Variants in COL28A1 observed in about 807,000 individuals in gnomAD.
COL28A1 encodes the protein collagen type XXVIII alpha 1 chain.
COL28A1 carries 161 observed loss-of-function variants against 150.2 expected under a neutral mutation model. The ratio of observed to expected loss-of-function variants is 1.07; its 90% confidence interval spans 0.94 to 1.22. The LOEUF is 1.22. Among genes scored for constraint, COL28A1 ranks in the 50% most tolerant of loss-of-function variants. COL28A1 has a pLI of 0.00. For missense variants in COL28A1, 1,617 were observed against 1,388.3 expected (o/e 1.16, Z -2.62); for synonymous variants, 552 against 469.7 (o/e 1.18, Z -2.26).
intron 21 of COL28A1, among the ~76,000 whole-genome samples, chr7:7,437,669 A>G (rs1583370190): frequency 6.6e-6 from 1 of 152,196 alleles, no homozygotes; most frequent in East Asian, 1.9e-4. Flanking sequence ...TTAAATAACT[A>G]TGTTCAATTA....
At chr7:7,386,265 T>C (rs1227835541) in intron 27 of COL28A1, among the ~76,000 whole-genome samples, 3 of 152,216 alleles carry the variant, frequency 2.0e-5, no homozygotes, top group Non-Finnish European at 4.4e-5. Flanking sequence ...TCTTTCGAAA[T>C]GTTTTCTCAG....
At chr7:7,382,826 T>A (rs1012442823) in intron 27 of COL28A1, among the ~76,000 whole-genome samples, 1 of 152,032 alleles carries the variant, frequency 6.6e-6, no homozygotes, top group African/African-American at 2.4e-5. Context: ...AGGCAAAATA[T>A]GCATTTTGCC....
At position 7,358,805 on chromosome 7, in the gene COL28A1, T is replaced by A. The variant is rs776816416; in HGVS notation, c.3206A>T (p.Asp1069Val). 11 of 1,606,666 alleles carry A rather than the reference T, an allele frequency of 6.8e-6. No homozygotes were observed. Among genetic ancestry groups the A allele is most frequent in the African/African-American group, 4.0e-5 (3 of 74,448 alleles). Residue 1069 changes from aspartate to valine, a missense_variant and splice_region_variant, in exon 35 of 35, where the codon GAT becomes GTT. Physicochemically the swap from Asp to Val is radical, Grantham distance 152. Coordinates refer to ENST00000399429, the MANE Select transcript of COL28A1 (RefSeq NM_001037763.3). ...CTTCAAGGCTTCCAAACATCTAGGATCTAGAGTGAGAAAAGGAAAATGTGT... is the reference window on the plus strand; with the variant it reads ...CTTCAAGGCTTCCAAACATCTAGGAACTAGAGTGAGAAAAGGAAAATGTGT... ...LLSTPVDGAE[D>V]PRCLEALKPG... is the part of the protein sequence containing the mutation.
At chr7:7,389,923 C>T (rs907320295) in intron 27 of COL28A1, among the ~76,000 whole-genome samples, 1 of 152,168 alleles carries the variant, frequency 6.6e-6, no homozygotes, top group African/African-American at 2.4e-5. Context: ...TCTAAATATA[C>T]AACCACGTCA....
At chr7:7,427,399 C>G (rs927630435) in intron 25 of COL28A1, among the ~76,000 whole-genome samples, 5 of 152,180 alleles carry the variant, frequency 3.3e-5, no homozygotes, top group African/African-American at 1.2e-4. Context: ...GAATTACATG[C>G]CCTTAACTTC....
chr7:7,475,128 A>T (rs1039840672), intron 14 of COL28A1, among the ~76,000 whole-genome samples: 4 of 152,138 alleles, frequency 2.6e-5, no homozygotes, highest in Non-Finnish European at 5.9e-5. Context: ...GTTTATAAAC[A>T]TTCATTGAAA....
intron 27 of COL28A1, among the ~76,000 whole-genome samples, chr7:7,395,571 G>T (rs1394642604): frequency 6.6e-6 from 1 of 152,122 alleles, no homozygotes; most frequent in Non-Finnish European, 1.5e-5. Flanking sequence ...AGAGAGACCT[G>T]GTTACACATT....
intron 34 of COL28A1, among the ~76,000 whole-genome samples, chr7:7,360,016 A>C (rs1391525940): frequency 6.6e-6 from 1 of 152,186 alleles, no homozygotes; most frequent in African/African-American, 2.4e-5. Context: ...TTCCTGTGCA[A>C]TAAAAGGATC....
chr7:7,429,479 G>T (rs1179989336), intron 25 of COL28A1, among the ~76,000 whole-genome samples: 3 of 150,720 alleles, frequency 2.0e-5, no homozygotes, highest in African/African-American at 7.4e-5. Context: ...TGTGTGGGGG[G>T]GGGGATGGTG....
rs778393113 is a variant in COL28A1 at position 7,489,464 on chromosome 7, G to C, written c.1096-7C>G. 8 of 1,207,528 alleles carry C rather than the reference G, an allele frequency of 6.6e-6. No homozygotes were observed. The highest frequency in any genetic ancestry group is 1.5e-5 in the African/African-American group (1 of 67,286). 74.8% of individuals were successfully genotyped at this position (1,207,528 alleles called of 1,614,324 possible). A position where few individuals can be genotyped will look rare whatever the true frequency, so the allele number is the denominator to read the frequency against. ...CTTCTTGGCCTCTTTCTCCCTAAGA[G>C]AAAGAAATAATAGAATGAAAGCTTG... On this transcript the variant is annotated splice_region_variant and splice_polypyrimidine_tract_variant and intron_variant, in intron 12 of 34. Coordinates refer to ENST00000399429, the MANE Select transcript of COL28A1 (RefSeq NM_001037763.3).
intron 5 of COL28A1, among the ~76,000 whole-genome samples, chr7:7,520,874 G>A (rs767844236): frequency 2.6e-5 from 4 of 152,134 alleles, no homozygotes; most frequent in Non-Finnish European, 5.9e-5. Context: ...AGGAAGGGAT[G>A]GCTAAACCTT....
intron 27 of COL28A1, among the ~76,000 whole-genome samples, chr7:7,387,057 C>T (rs1403440007): frequency 6.6e-6 from 1 of 152,080 alleles, no homozygotes; most frequent in Non-Finnish European, 1.5e-5. Flanking sequence ...CAGAGGTGAC[C>T]TAATCACCAC....
intron 27 of COL28A1, among the ~76,000 whole-genome samples, chr7:7,414,931 T>C (rs1211358538): frequency 1.3e-5 from 2 of 152,240 alleles, no homozygotes; most frequent in African/African-American, 4.8e-5. Context: ...TTATAGCCTG[T>C]AAATTCCATG....
intron 26 of COL28A1, 29 bp downstream of exon 26, chr7:7,419,854 CCT>C: frequency 6.9e-7 from 1 of 1,454,782 alleles, no homozygotes; most frequent in Non-Finnish European, 9.3e-7. Flanking sequence ...GATATCTGAC[CCT>C]CACACAAAGC....
intron 16 of COL28A1, among the ~76,000 whole-genome samples, chr7:7,453,929 C>A (rs535333698): frequency 6.6e-6 from 1 of 152,212 alleles, no homozygotes; most frequent in South Asian, 2.1e-4. Flanking sequence ...GAGGAAAGCA[C>A]CCTCAGTATG....
chr7:7,496,677 C>T (rs1387650857), intron 11 of COL28A1, among the ~76,000 whole-genome samples: 1 of 152,084 alleles, frequency 6.6e-6, no homozygotes, highest in African/African-American at 2.4e-5. Context: ...TTCTCTAAGA[C>T]AATACATAAC....
rs544063708 is a variant in COL28A1, at chr7:7,529,076, C to A, written c.681+2272G>T. On this transcript the variant is annotated intron_variant, in intron 3 of 34. Transcript: ENST00000399429. ...CAACACTTTGGGAGGCCGAGGCGGG[C>A]AGATCACCTGAGGTCAGGAGTTTGA... is the stretch of plus-strand genomic sequence containing the variant. Among the ~76,000 whole-genome samples, 671 of 151,990 alleles carry A rather than the reference C, an allele frequency of 4.4e-3. 11 individuals carry two copies. Among genetic ancestry groups the A allele is most frequent in the African/African-American group, 0.016 (643 of 41,456 alleles).
intron 30 of COL28A1, among the ~76,000 whole-genome samples, chr7:7,379,647 G>C (rs1781756537): frequency 6.6e-6 from 1 of 152,144 alleles, no homozygotes. Flanking sequence ...ATCCAATAAA[G>C]GTTGGTGAAA....
At chr7:7,372,590 T>G (rs1030167360) in intron 32 of COL28A1, among the ~76,000 whole-genome samples, 1 of 152,132 alleles carries the variant, frequency 6.6e-6, no homozygotes, top group Non-Finnish European at 1.5e-5. Flanking sequence ...TTTTTTTTCA[T>G]TCAGCAGGTA....
Sources: gnomAD v4.1 joint callset for allele counts (sites outside exome capture counted in the v4.1 genomes callset) on GRCh38, gnomAD v4.1.1 for gene constraint, MANE v1.5 for transcripts, NCBI Gene and HGNC (gene_info 2026-07-23, HGNC 2026-07-21) for gene names.